The following PDXP variants were observed in gnomAD, a reference collection of about 807,000 sequenced individuals.
PDXP encodes the protein chronophin.
PDXP carries 15 observed loss-of-function variants against 14.4 expected under a neutral mutation model. The observed-to-expected ratio is 1.04, with a 90% CI of 0.70 to 1.60. The LOEUF (loss-of-function observed/expected upper bound fraction) is 1.60, where lower values mean the gene tolerates loss of function less well. PDXP is among the 40% of genes most tolerant of loss of function. PDXP has a pLI of 0.00. For missense variants in PDXP, 413 were observed against 427.6 expected (o/e 0.97, Z 0.30); for synonymous variants, 233 against 205.6 (o/e 1.13, Z -1.14).
At chr22:37,659,396 C>G (rs756126946) in intron 1 of PDXP, 40 bp downstream of exon 1, 1 of 1,257,630 alleles carries the variant, frequency 8.0e-7, no homozygotes, top group South Asian at 3.3e-5. Context: ...ATGGGGGCGA[C>G]CTGCGCATTC....
chr22:37,659,220 G>C lies in PDXP; in HGVS notation c.438G>C (p.Val146=). 1 of 1,300,458 alleles carries C rather than the reference G, an allele frequency of 7.7e-7. No homozygotes were observed. The highest frequency in any genetic ancestry group is 9.8e-7 in the Non-Finnish European group (1 of 1,021,284). 80.6% of individuals were successfully genotyped at this position (1,300,458 alleles called of 1,614,324 possible). A position where few individuals can be genotyped will look rare whatever the true frequency, so the allele number is the denominator to read the frequency against. ...GCGCGGCCCCGCGCGTGCGCGCCGTGCTTGTGGGCTACGACGAGCACTTCT... is the reference window on the plus strand; with the variant it reads ...GCGCGGCCCCGCGCGTGCGCGCCGTCCTTGTGGGCTACGACGAGCACTTCT... ...GDGAAPRVRA[V]LVGYDEHFSF... Residue 146 remains valine, a synonymous_variant, in exon 1 of 2, where the codon GTG becomes GTC. Transcript: ENST00000215904.
intron 1 of PDXP, among the ~76,000 whole-genome samples, chr22:37,660,097 T>C (rs1306794551): frequency 2.0e-5 from 3 of 152,236 alleles, no homozygotes. Context: ...GGCGGGAGGA[T>C]TGCTTGAGCC....
chr22:37,660,018 CAAGTA>C (rs1933170865), intron 1 of PDXP, among the ~76,000 whole-genome samples: 1 of 152,092 alleles, frequency 6.6e-6, no homozygotes, highest in Non-Finnish European at 1.5e-5. Flanking sequence ...TCCCATTTCT[CAAGTA>C]AAGAGACTGA....
chr22:37,665,861 TG>T lies in PDXP; in HGVS notation c.883del (p.Glu295ArgfsTer18), dbSNP rs1921062657. The T allele has an allele frequency of 6.2e-7, 1 of 1,612,622 alleles. No homozygotes were observed. Among genetic ancestry groups the T allele is most frequent in the Non-Finnish European group, 8.5e-7 (1 of 1,179,192 alleles). On this transcript the variant is annotated frameshift_variant, in exon 2 of 2. Coordinates refer to ENST00000215904, the MANE Select transcript of PDXP (RefSeq NM_020315.5). LOFTEE classifies it high-confidence loss of function. ...VESIADLTEG[L>X]ED is the part of the protein sequence containing the mutation. ...AGCATCGCAGACTTGACAGAGGGGTTGGAGGACTGAGCCCACTGCACCTGCA... is the reference window on the plus strand; with the variant it reads ...AGCATCGCAGACTTGACAGAGGGGTTGAGGACTGAGCCCACTGCACCTGCA...
At chr22:37,661,246 T>C (rs1933195656) in intron 1 of PDXP, among the ~76,000 whole-genome samples, 1 of 152,090 alleles carries the variant, frequency 6.6e-6, no homozygotes, top group African/African-American at 2.4e-5. Flanking sequence ...CTGCTGTCAC[T>C]CCCATAGCCT....
chr22:37,662,265 T>C (rs1050778746), intron 1 of PDXP, among the ~76,000 whole-genome samples: 9 of 152,150 alleles, frequency 5.9e-5, no homozygotes, highest in Non-Finnish European at 1.0e-4. Flanking sequence ...CTTCCTCATC[T>C]GGGGACAGCA....
intron 1 of PDXP, among the ~76,000 whole-genome samples, chr22:37,664,395 A>G (rs1053649090): frequency 6.6e-6 from 1 of 152,142 alleles, no homozygotes; most frequent in South Asian, 2.1e-4. Flanking sequence ...GTACCCAGCC[A>G]TAAAGTGACT....
At chr22:37,660,934 C>G (rs932911003) in intron 1 of PDXP, among the ~76,000 whole-genome samples, 6 of 152,108 alleles carry the variant, frequency 3.9e-5, no homozygotes, top group Admixed American at 6.5e-5. Context: ...TGCACACCTG[C>G]TTGGTATGTG....
At chr22:37,659,773 T>A (rs1404002661) in intron 1 of PDXP, among the ~76,000 whole-genome samples, 1 of 152,136 alleles carries the variant, frequency 6.6e-6, no homozygotes, top group Non-Finnish European at 1.5e-5. Flanking sequence ...AGCTCCAGCT[T>A]CACAGCTGTG....
chr22:37,659,162 T>G lies in PDXP; in HGVS notation c.380T>G (p.Leu127Arg). The change falls in exon 1 of 2, where the codon CTG becomes CGG. Residue 127 changes from leucine (L) to arginine (R), a missense_variant. Transcript: ENST00000215904. Reference sequence around the variant, plus strand: ...CGCGCCGAGCTGCGCGCCGCGGGGCTGCGCCTGGCCGGGGACCCGAGCGCG... The same window carrying G: ...CGCGCCGAGCTGCGCGCCGCGGGGCGGCGCCTGGCCGGGGACCCGAGCGCG... ...GLRAELRAAG[L>R]RLAGDPSAGD... 9.1e-7 allele frequency: 1 copy of G among 1,104,824 alleles called. No individual in the cohort carries two copies. The highest frequency in any genetic ancestry group is 1.1e-6 in the Non-Finnish European group (1 of 907,526). 68.4% of individuals were successfully genotyped at this position (1,104,824 alleles called of 1,614,324 possible). A position where few individuals can be genotyped will look rare whatever the true frequency, so the allele number is the denominator to read the frequency against.
Position 37,666,667 on chromosome 22 carries a change from T to C in PDXP, c.*796T>C, listed in dbSNP as rs1241192036. ...ACCTCTCCTTTACAAAGACTTGTGA[T>C]GCTCTGGGGCTTCTGTGGCCAAGCC... On this transcript the variant is annotated 3_prime_UTR_variant, in exon 2 of 2. Coordinates refer to ENST00000215904, the MANE Select transcript of PDXP (RefSeq NM_020315.5). 6.0e-6 allele frequency: 1 copy of C among 167,142 alleles called. No individual in the cohort carries two copies. The highest frequency in any genetic ancestry group is 1.5e-5 in the Non-Finnish European group (1 of 68,144). The allele number at this position is 167,142 out of a possible 1,614,324, so 10.4% of individuals were successfully genotyped here. A position where few individuals can be genotyped will look rare whatever the true frequency, so the allele number is the denominator to read the frequency against.
In PDXP at chr22:37,659,296, C is replaced by T; in HGVS notation, c.514C>T (p.Leu172=). The T allele has an allele frequency of 7.6e-7, 1 of 1,310,246 alleles. No homozygotes were observed. Among genetic ancestry groups the T allele is most frequent in the Non-Finnish European group, 9.7e-7 (1 of 1,026,664 alleles). 81.2% of individuals were successfully genotyped at this position (1,310,246 alleles called of 1,614,324 possible). The change falls in exon 1 of 2, where the codon CTA becomes TTA. Residue 172 remains leucine (L), a synonymous_variant. Coordinates refer to ENST00000215904, the MANE Select transcript of PDXP (RefSeq NM_020315.5). The part of the protein sequence containing the change: ...ACAHLRDPEC[L]LVATDRDPWH... ...CGCGCACCTGCGCGACCCCGAGTGC[C>T]TACTCGTGGCCACCGACCGTGACCC...
In PDXP at chr22:37,666,853, G is replaced by C. The variant is rs1921101044; in HGVS notation, c.*982G>C. On this transcript the variant is annotated 3_prime_UTR_variant, in exon 2 of 2. Coordinates refer to ENST00000215904, the MANE Select transcript of PDXP (RefSeq NM_020315.5). ...TTATTGTGTGCCAGTGATGGTGGGT[G>C]GGGGCTGGGCCTTCCCCGCCACCTC... 1 of 167,108 alleles carries C rather than the reference G, an allele frequency of 6.0e-6. No individual in the cohort carries two copies. The highest frequency in any genetic ancestry group is 2.4e-5 in the African/African-American group (1 of 41,446). 10.4% of individuals were successfully genotyped at this position (167,108 alleles called of 1,614,324 possible). A position where few individuals can be genotyped will look rare whatever the true frequency, so the allele number is the denominator to read the frequency against.
intron 1 of PDXP, among the ~76,000 whole-genome samples, chr22:37,661,432 C>A (rs1933200727): frequency 6.6e-6 from 1 of 151,480 alleles, no homozygotes; most frequent in Non-Finnish European, 1.5e-5. Flanking sequence ...AATATCTCAC[C>A]CCCAACTCCT....
At position 37,659,000 on chromosome 22, in the gene PDXP, C is replaced by T. The variant is rs1267357350; in HGVS notation, c.218C>T (p.Ala73Val). ...CGGCCCGAGCTGGCCCTGCGCTTCGCGCGCCTCGGCTTCGGGGGGCTGCGC... is the reference window on the plus strand; with the variant it reads ...CGGCCCGAGCTGGCCCTGCGCTTCGTGCGCCTCGGCTTCGGGGGGCTGCGC... ...RARPELALRF[A>V]RLGFGGLRAE... Residue 73 changes from alanine to valine, a missense_variant, in exon 1 of 2, where the codon GCG becomes GTG. By Grantham distance (64) the Ala-to-Val change is moderately conservative. Coordinates refer to ENST00000215904, the MANE Select transcript of PDXP (RefSeq NM_020315.5). 1.7e-6 allele frequency: 2 copies of T among 1,197,048 alleles called. No homozygotes were observed. The highest frequency in any genetic ancestry group is 3.1e-5 in the South Asian group (1 of 31,942). 74.2% of individuals were successfully genotyped at this position (1,197,048 alleles called of 1,614,324 possible). A position where few individuals can be genotyped will look rare whatever the true frequency, so the allele number is the denominator to read the frequency against.
Position 37,658,976 on chromosome 22 carries a change from G to C in PDXP, c.194G>C (p.Arg65Pro). Reference sequence around the variant, plus strand: ...GTGAGCAACAACAGCCGGCGCGCGCGGCCCGAGCTGGCCCTGCGCTTCGCG... The same window carrying C: ...GTGAGCAACAACAGCCGGCGCGCGCCGCCCGAGCTGGCCCTGCGCTTCGCG... ...LFVSNNSRRA[R>P]PELALRFARL... Residue 65 changes from arginine to proline, a missense_variant, in exon 1 of 2, where the codon CGG becomes CCG. By Grantham distance (103) the Arg-to-Pro change is moderately radical. Transcript: ENST00000215904. The C allele has an allele frequency of 1.7e-6, 2 of 1,199,722 alleles. No individual in the cohort carries two copies. The highest frequency in any genetic ancestry group is 2.1e-6 in the Non-Finnish European group (2 of 965,224). The allele number at this position is 1,199,722 out of a possible 1,614,324, so 74.3% of individuals were successfully genotyped here. A position where few individuals can be genotyped will look rare whatever the true frequency, so the allele number is the denominator to read the frequency against.
chr22:37,658,921 C>G lies in PDXP; in HGVS notation c.139C>G (p.Leu47Val), dbSNP rs1392765191. 1.6e-6 allele frequency: 2 copies of G among 1,220,450 alleles called. No homozygotes were observed. Among genetic ancestry groups the G allele is most frequent in the Non-Finnish European group, 1.0e-6 (1 of 977,774 alleles). The allele number at this position is 1,220,450 out of a possible 1,614,324, so 75.6% of individuals were successfully genotyped here. The change falls in exon 1 of 2, where the codon CTG (leucine) becomes GTG (valine). Residue 47 changes from leucine (L) to valine (V), a missense_variant. Transcript: ENST00000215904. ...GGGCGCCCCGGAGCTGCTGGAGCGG[C>G]TGGCGCGGGCCGGCAAGGCGGCTCT... is the stretch of plus-strand genomic sequence containing the variant. ...VPGAPELLER[L>V]ARAGKAALFV...
Position 37,659,225 on chromosome 22 carries a change from TG to T in PDXP, c.446del (p.Gly149AlafsTer11). 2 of 1,306,284 alleles carry T rather than the reference TG, an allele frequency of 1.5e-6. No homozygotes were observed. The highest frequency in any genetic ancestry group is 5.9e-5 in the Admixed American group (2 of 33,660). 80.9% of individuals were successfully genotyped at this position (1,306,284 alleles called of 1,614,324 possible). A position where few individuals can be genotyped will look rare whatever the true frequency, so the allele number is the denominator to read the frequency against. On this transcript the variant is annotated frameshift_variant, in exon 1 of 2. Transcript: ENST00000215904. LOFTEE classifies it high-confidence loss of function. Reference sequence around the variant, plus strand: ...GCCCCGCGCGTGCGCGCCGTGCTTGTGGGCTACGACGAGCACTTCTCCTTCG... The same window carrying T: ...GCCCCGCGCGTGCGCGCCGTGCTTGTGGCTACGACGAGCACTTCTCCTTCG... ...GAAPRVRAVL[V>X]GYDEHFSFAK...
At position 37,659,145 on chromosome 22, in the gene PDXP, G is replaced by A. The variant is rs1219384483; in HGVS notation, c.363G>A (p.Glu121=). The change falls in exon 1 of 2, where the codon GAG becomes GAA. Residue 121 remains glutamate, a synonymous_variant. Coordinates refer to ENST00000215904, the MANE Select transcript of PDXP (RefSeq NM_020315.5). The part of the protein sequence containing the change: ...FVLGGEGLRA[E]LRAAGLRLAG... ...TGGGCGGCGAGGGGCTGCGCGCCGA[G>A]CTGCGCGCCGCGGGGCTGCGCCTGG... 3 of 1,029,828 alleles carry A rather than the reference G, an allele frequency of 2.9e-6. No homozygotes were observed. The highest frequency in any genetic ancestry group is 1.7e-5 in the African/African-American group (1 of 57,752). 63.8% of individuals were successfully genotyped at this position (1,029,828 alleles called of 1,614,324 possible). A position where few individuals can be genotyped will look rare whatever the true frequency, so the allele number is the denominator to read the frequency against.
Sources: gnomAD v4.1 joint callset for allele counts (sites outside exome capture counted in the v4.1 genomes callset) on GRCh38, gnomAD v4.1.1 for gene constraint, MANE v1.5 for transcripts, NCBI Gene and HGNC (gene_info 2026-07-23, HGNC 2026-07-21) for gene names.